PRDM15: variants seen among roughly 807,000 people sequenced by gnomAD.
The protein encoded by PRDM15 is PR/SET domain 15.
In PRDM15, 64 loss-of-function variants were observed where a neutral mutation model predicts 128.6. The ratio of observed to expected loss-of-function variants is 0.50; its 90% CI spans 0.41 to 0.61. The LOEUF (loss-of-function observed/expected upper bound fraction) is 0.61. Among genes scored for constraint, PRDM15 ranks in the 20% least tolerant of loss-of-function variants. The probability of loss-of-function intolerance (pLI) is 0.00; values close to 1 mark genes in which losing one functional copy is unlikely to be tolerated. For synonymous variants in PRDM15, 615 were observed against 621.8 expected (o/e 0.99, Z 0.16); for missense variants, 1,242 against 1,569.1 (o/e 0.79, Z 3.52).
In PRDM15 at chr21:41,862,235, G is replaced by C. The variant is rs2063840571; in HGVS notation, c.-9-1863C>G. The stretch of plus-strand genomic sequence containing the variant: ...GGAGCTTGGGCGATGGGAACGATAG[G>C]CCTTAAGAGGCGCCCCACACTGCGG... On this transcript the variant is annotated intron_variant, in intron 1 of 23. Coordinates refer to ENST00000398548, the MANE Select transcript of PRDM15 (RefSeq NM_001040424.3). This position sits in a 1 kb window ranked among gnomAD's most constrained non-coding sequence, Gnocchi z 4.1. Among the ~76,000 whole-genome samples, 1 of 152,200 alleles carries C rather than the reference G, an allele frequency of 6.6e-6. No individual in the cohort carries two copies. The highest frequency in any genetic ancestry group is 1.5e-5 in the Non-Finnish European group (1 of 68,026).
chr21:41,879,070 C>G lies in PRDM15; in HGVS notation c.-10+200G>C, dbSNP rs1332316621. The G allele has an allele frequency of 8.8e-7, 1 of 1,133,938 alleles. No individual in the cohort carries two copies. The highest frequency in any genetic ancestry group is 3.4e-5 in the Admixed American group (1 of 29,688). The allele number at this position is 1,133,938 out of a possible 1,614,324, so 70.2% of individuals were successfully genotyped here. A position where few individuals can be genotyped will look rare whatever the true frequency, so the allele number is the denominator to read the frequency against. On this transcript the variant is annotated intron_variant, in intron 1 of 23. Transcript: ENST00000398548. The surrounding 1 kb of genome is among the most constrained non-coding windows in gnomAD (Gnocchi z 5.1). ...CCAGCCGGGTTTTGACTCCGATCGC[C>G]AACGGTGCCCGCAGCCGGCGAATGT...
rs752537200 is a variant in PRDM15, at chr21:41,859,582, G to A, written c.131+10C>T. On this transcript the variant is annotated intron_variant, in intron 3 of 23. Transcript: ENST00000398548. The surrounding 1 kb of genome is among the most constrained non-coding windows in gnomAD (Gnocchi z 5.3). Reference sequence around the variant, plus strand: ...TATGGAAGGCCCGGGAGCTCACGGCGGTCACTCACCTTGCCCTGCTTAACA... The same window carrying A: ...TATGGAAGGCCCGGGAGCTCACGGCAGTCACTCACCTTGCCCTGCTTAACA... 16 of 1,611,648 alleles carry A rather than the reference G, an allele frequency of 9.9e-6. No individual in the cohort carries two copies. Among genetic ancestry groups the A allele is most frequent in the African/African-American group, 6.7e-5 (5 of 74,826 alleles).
At position 41,801,088 on chromosome 21, in the gene PRDM15, T is replaced by G; in HGVS notation, c.*152A>C. 8.8e-7 allele frequency: 1 copy of G among 1,134,734 alleles called. No individual in the cohort carries two copies. The highest frequency in any genetic ancestry group is 1.7e-5 in the South Asian group (1 of 59,404). The allele number at this position is 1,134,734 out of a possible 1,614,324, so 70.3% of individuals were successfully genotyped here. ...AGTTAAGCTGACAGACCGTAATGGT[T>G]GCTGGCGGGGGATCTGGAGATACTC... is the stretch of plus-strand genomic sequence containing the variant. On this transcript the variant is annotated 3_prime_UTR_variant, in exon 24 of 24. Transcript: ENST00000398548.
chr21:41,870,925 TCA>T (rs2064186776), intron 1 of PRDM15: 2 of 152,344 alleles, frequency 1.3e-5, no homozygotes, highest in Non-Finnish European at 1.5e-5. Context: ...TCCAAGGGCC[TCA>T]GTTTCCTTCC....
chr21:41,821,620 A>G lies in PRDM15; in HGVS notation c.1896+283T>C, dbSNP rs1391932403. Among the ~76,000 whole-genome samples the G allele has an allele frequency of 6.6e-6, 1 of 151,900 alleles. No individual in the cohort carries two copies. Among genetic ancestry groups the G allele is most frequent in the Non-Finnish European group, 1.5e-5 (1 of 67,944 alleles). ...CACCTTCTAGGAGGCCGACCCCCAC[A>G]CTTCATGTGTGTTCCTGAACCGTGT... On this transcript the variant is annotated intron_variant, in intron 15 of 23. Transcript: ENST00000398548. The surrounding 1 kb of genome is among the most constrained non-coding windows in gnomAD (Gnocchi z 5.4).
At chr21:41,868,735 G>A (rs1434901903) in intron 1 of PRDM15, among the ~76,000 whole-genome samples, 1 of 128,506 alleles carries the variant, frequency 7.8e-6, no homozygotes, top group Admixed American at 9.4e-5. Flanking sequence ...CTGTCACCCA[G>A]GCTGGAGTAC....
chr21:41,860,997 G>T (rs1258563368), intron 1 of PRDM15, among the ~76,000 whole-genome samples: 1 of 151,896 alleles, frequency 6.6e-6, no homozygotes, highest in African/African-American at 2.4e-5. Context: ...TGGTGACAGG[G>T]TCTTGCTCTG....
chr21:41,859,256 A>G lies in PRDM15; in HGVS notation c.131+336T>C. On this transcript the variant is annotated intron_variant, in intron 3 of 23. Transcript: ENST00000398548. This position sits in a 1 kb window ranked among gnomAD's most constrained non-coding sequence, Gnocchi z 5.3. ...GGAATGCAGAGAGAAGCCAACGAGCAGACCTCCAGCTTGGCTGCTGGTGCT... is the reference window on the plus strand; with the variant it reads ...GGAATGCAGAGAGAAGCCAACGAGCGGACCTCCAGCTTGGCTGCTGGTGCT... 1 of 1,607,020 alleles carries G rather than the reference A, an allele frequency of 6.2e-7. No individual in the cohort carries two copies. The highest frequency in any genetic ancestry group is 1.3e-5 in the African/African-American group (1 of 74,958).
At chr21:41,804,005 C>T (rs993322024) in intron 22 of PRDM15, among the ~76,000 whole-genome samples, 4 of 144,988 alleles carry the variant, frequency 2.8e-5, no homozygotes, top group African/African-American at 1.0e-4. Context: ...CGCTCTGTTG[C>T]CTGGGCTGGA....
At chr21:41,868,082 C>A (rs150113465) in intron 1 of PRDM15, among the ~76,000 whole-genome samples, 5 of 152,096 alleles carry the variant, frequency 3.3e-5, no homozygotes, top group African/African-American at 9.6e-5. Context: ...AATCAGACAG[C>A]CTGTGACCTT....
At chr21:41,835,576 A>C in intron 10 of PRDM15, 52 bp from the exon 11 acceptor site, 1 of 1,503,268 alleles carries the variant, frequency 6.7e-7, no homozygotes, top group Non-Finnish European at 9.2e-7. Flanking sequence ...GAGTCCACAG[A>C]TGCCGAGCCC....
Position 41,862,383 on chromosome 21 carries a change from G to A in PRDM15, c.-9-2011C>T, listed in dbSNP as rs117806770. ...CACGAATCCCCTGAGGCCTTGTGTG[G>A]CCGCCTCTCCCCGGGGCAGACCTTG... On this transcript the variant is annotated intron_variant, in intron 1 of 23. Transcript: ENST00000398548. This position sits in a 1 kb window ranked among gnomAD's most constrained non-coding sequence, Gnocchi z 4.1. Among the ~76,000 whole-genome samples, 5,248 of 152,238 alleles carry A rather than the reference G, an allele frequency of 0.034. 131 individuals are homozygous for A. Among genetic ancestry groups the A allele is most frequent in the Middle Eastern group, 0.088 (26 of 294 alleles).
At chr21:41,849,560 A>T (rs1450829702) in intron 5 of PRDM15, among the ~76,000 whole-genome samples, 1 of 126,118 alleles carries the variant, frequency 7.9e-6, no homozygotes, top group Non-Finnish European at 1.8e-5. Flanking sequence ...AGACTGACTT[A>T]AAAAAAAAAA....
Position 41,828,676 on chromosome 21 carries a change from G to A in PRDM15, c.1367-343C>T, listed in dbSNP as rs1259998273. Among the ~76,000 whole-genome samples, 1 of 151,814 alleles carries A rather than the reference G, an allele frequency of 6.6e-6. No homozygotes were observed. Among genetic ancestry groups the A allele is most frequent in the Admixed American group, 6.6e-5 (1 of 15,242 alleles). ...GCTGCCCAGTCCAAAGCTTCCCCTG[G>A]GCCTGCACCCTCCACCCAGCATGAC... On this transcript the variant is annotated intron_variant, in intron 11 of 23. Transcript: ENST00000398548. This position sits in a 1 kb window ranked among gnomAD's most constrained non-coding sequence, Gnocchi z 5.7.
chr21:41,828,300 C>A lies in PRDM15; in HGVS notation c.1400G>T (p.Arg467Ile), dbSNP rs754283032. The A allele has an allele frequency of 6.2e-7, 1 of 1,614,024 alleles. No homozygotes were observed. The highest frequency in any genetic ancestry group is 1.1e-5 in the South Asian group (1 of 91,084). The part of the protein sequence containing the change: ...DKTFQCEMCF[R>I]FFSTNSNLSK... The stretch of plus-strand genomic sequence containing the variant: ...GAGGTTGCTGTTGGTGGAGAAGAAT[C>A]TGAAACACATCTCACATTGGAACGT... Residue 467 changes from arginine (R) to isoleucine (I), a missense_variant, in exon 12 of 24, where the codon AGA becomes ATA. Arg to Ile is a moderately conservative substitution (Grantham distance 97). Around this residue, in one of 3 missense-constraint regions of PRDM15, gnomAD observed 612 missense variants for 717.0 expected, o/e 0.85. Coordinates refer to ENST00000398548, the MANE Select transcript of PRDM15 (RefSeq NM_001040424.3). The surrounding 1 kb of genome is among the most constrained non-coding windows in gnomAD (Gnocchi z 5.7).
intron 21 of PRDM15, among the ~76,000 whole-genome samples, chr21:41,809,032 G>A (rs73219047): frequency 0.12 from 18,738 of 152,184 alleles, 1,298 homozygotes; most frequent in South Asian, 0.3. Flanking sequence ...GCCATCCTCC[G>A]CCGCTACCGT....
chr21:41,830,459 C>G (rs2062648106), intron 11 of PRDM15, among the ~76,000 whole-genome samples: 1 of 151,326 alleles, frequency 6.6e-6, no homozygotes, highest in African/African-American at 2.4e-5. Flanking sequence ...ACACATACCA[C>G]ACACATACAC....
intron 22 of PRDM15, among the ~76,000 whole-genome samples, chr21:41,803,878 T>C (rs773098254): frequency 1.9e-4 from 29 of 152,196 alleles, no homozygotes; most frequent in Non-Finnish European, 3.2e-4. Context: ...AGTTTAGTAT[T>C]AACTAAAAAT....
At chr21:41,840,309 G>A (rs558170056) in intron 6 of PRDM15, among the ~76,000 whole-genome samples, 1 of 152,120 alleles carries the variant, frequency 6.6e-6, no homozygotes, top group Admixed American at 6.5e-5. Context: ...AGCCGGGTGT[G>A]GTGGTGTGTG....
Sources: gnomAD v4.1 joint callset for allele counts (sites outside exome capture counted in the v4.1 genomes callset) on GRCh38, gnomAD v4.1.1 for gene constraint, gnomAD v4.1.1 regional missense constraint, Gnocchi (gnomAD v3.1) non-coding constraint, MANE v1.5 for transcripts, NCBI Gene and HGNC (gene_info 2026-07-23, HGNC 2026-07-21) for gene names.